TEX11: variants seen among roughly 807,000 people sequenced by gnomAD.
The protein encoded by TEX11 is testis-expressed protein 11.
A neutral mutation model predicts 84.4 loss-of-function variants in TEX11; 7 were observed. That is an observed-to-expected ratio of 0.08 (90% confidence interval 0.05 to 0.16). TEX11 has a LOEUF of 0.16. Among genes scored for constraint, TEX11 ranks in the 10% least tolerant of loss-of-function variants. TEX11 has a pLI of 1.00. For missense variants in TEX11, 551 were observed against 660.5 expected, an observed-to-expected ratio of 0.83 and a Z score of 1.82; for synonymous variants, 264 against 222.8, an observed-to-expected ratio of 1.18 and a Z score of -1.64.
chrX:70,827,926 A>T (rs1242368315), intron 8 of TEX11, among the ~76,000 whole-genome samples: 2 of 111,749 alleles, frequency 1.8e-5, no homozygotes, highest in Non-Finnish European at 3.8e-5. Flanking sequence ...ACACAGAGAC[A>T]GTGACTCCAT....
rs762244738 is a variant in TEX11 at position 70,853,375 on chromosome X, C to T, written c.325-47G>A. 10 of 920,131 alleles carry T rather than the reference C, an allele frequency of 1.1e-5. No homozygotes were observed. In the South Asian group the frequency reaches 2.2e-4, roughly 20 times the overall value. 75.8% of individuals were successfully genotyped at this position (920,131 alleles called of 1,213,427 possible). ...ATAATTTTTAAAAATTCATACCTCC[C>T]CCAAATTGGTGGGGGAATATTGGAG... is the stretch of plus-strand genomic sequence containing the variant. On this transcript the variant is annotated intron_variant, in intron 5 of 29. Coordinates refer to ENST00000374333, the MANE Select transcript of TEX11 (RefSeq NM_031276.3).
chrX:70,831,464 C>CA (rs915226838), intron 8 of TEX11, among the ~76,000 whole-genome samples: 2 of 110,800 alleles, frequency 1.8e-5, no homozygotes, highest in Non-Finnish European at 3.8e-5. Context: ...CCCATCTCTA[C>CA]AAAAAAATAA....
intron 28 of TEX11, among the ~76,000 whole-genome samples, chrX:70,540,880 C>G (rs1480868650): frequency 8.9e-6 from 1 of 112,318 alleles, no homozygotes; most frequent in East Asian, 2.8e-4. Flanking sequence ...TTGTAACAAA[C>G]AATGACTTGA....
chrX:70,840,833 G>C (rs1463362539), intron 7 of TEX11, among the ~76,000 whole-genome samples: 3 of 111,356 alleles, frequency 2.7e-5, no homozygotes, highest in African/African-American at 9.8e-5. Context: ...TGCAATCCTA[G>C]TCTCTGCTAA....
chrX:70,652,271 C>A (rs1236103976), intron 16 of TEX11, among the ~76,000 whole-genome samples: 1 of 111,361 alleles, frequency 9.0e-6, no homozygotes, highest in Non-Finnish European at 1.9e-5. Flanking sequence ...AAATGTAAAT[C>A]TTCTCTGGGG....
chrX:70,616,210 AAAT>A (rs1336272435), intron 20 of TEX11, among the ~76,000 whole-genome samples: 1 of 111,815 alleles, frequency 8.9e-6, no homozygotes, highest in Non-Finnish European at 1.9e-5. Context: ...AACCAACCAA[AAAT>A]AATAAATATA....
rs145494165 is a variant in TEX11 at position 70,855,802 on chromosome X, A to G, written c.325-2474T>C. On this transcript the variant is annotated intron_variant, in intron 5 of 29. Coordinates refer to ENST00000374333, the MANE Select transcript of TEX11 (RefSeq NM_031276.3). ...ATGGGCACGAAAAATGAGCACACAC[A>G]GAGGAAAGGCCATGTGAGAGGACAC... Among the ~76,000 whole-genome samples, 31 of 111,318 alleles carry G rather than the reference A, an allele frequency of 2.8e-4. No homozygotes were observed. In the East Asian group the frequency reaches 8.2e-3, roughly 30 times the overall value.
chrX:70,566,732 C>T (rs1388122205), intron 25 of TEX11, among the ~76,000 whole-genome samples: 8 of 111,608 alleles, frequency 7.2e-5, no homozygotes, highest in African/African-American at 2.6e-4. Context: ...ATTGAACCAG[C>T]CTTGCATCCT....
At chrX:70,712,007 T>A (rs902048066) in intron 13 of TEX11, among the ~76,000 whole-genome samples, 27 of 112,003 alleles carry the variant, frequency 2.4e-4, no homozygotes, top group Middle Eastern at 4.6e-3. Context: ...TTTCTACATA[T>A]GGCTAGCCAG....
intron 5 of TEX11, among the ~76,000 whole-genome samples, chrX:70,853,536 A>T (rs1309923439): frequency 8.9e-6 from 1 of 112,177 alleles, no homozygotes; most frequent in Non-Finnish European, 1.9e-5. Flanking sequence ...GACAAAAATA[A>T]TAGCAAAAAT....
intron 13 of TEX11, among the ~76,000 whole-genome samples, chrX:70,695,269 C>A (rs1202613208): frequency 8.9e-6 from 1 of 112,194 alleles, no homozygotes; most frequent in Admixed American, 9.5e-5. Flanking sequence ...GTAGGCTATC[C>A]ATACAACAGA....
chrX:70,819,131 A>G (rs1006564773), intron 8 of TEX11, among the ~76,000 whole-genome samples: 14 of 111,787 alleles, frequency 1.3e-4, no homozygotes, highest in African/African-American at 4.2e-4. Context: ...CAAGACAAGG[A>G]CACCAGAAGA....
chrX:70,568,640 T>G (rs1347048657), intron 25 of TEX11, among the ~76,000 whole-genome samples: 2 of 111,018 alleles, frequency 1.8e-5, no homozygotes, highest in African/African-American at 3.3e-5. Flanking sequence ...GTCTGTAAAG[T>G]ATTTTATTTC....
At chrX:70,548,464 C>T (rs1448346569) in intron 28 of TEX11, among the ~76,000 whole-genome samples, 1 of 110,396 alleles carries the variant, frequency 9.1e-6, no homozygotes, top group Non-Finnish European at 1.9e-5. Context: ...GGTGAGTGAT[C>T]ACAGCACCTG....
chrX:70,516,796 T>C, the TEX11 span, among the ~76,000 whole-genome samples: 4 of 111,083 alleles, frequency 3.6e-5, no homozygotes, highest in South Asian at 7.9e-4. Flanking sequence ...TTTTATTTCA[T>C]TGAGCAGTGG....
At chrX:70,714,183 A>C (rs1329994272) in intron 13 of TEX11, among the ~76,000 whole-genome samples, 1 of 111,025 alleles carries the variant, frequency 9.0e-6, no homozygotes, top group Non-Finnish European at 1.9e-5. Flanking sequence ...CTGTTCTTTT[A>C]CATTTGCTGA....
In TEX11 at chrX:70,865,223, C is replaced by CA. The variant is rs757292687; in HGVS notation, c.245-4288dup. ...GAAGATCTACCAAGCAAATGGAAAACAAAAAAAGCAGGGGTTGCAATCCTA... is the reference window on the plus strand; with the variant it reads ...GAAGATCTACCAAGCAAATGGAAAACAAAAAAAAGCAGGGGTTGCAATCCTA... On this transcript the variant is annotated intron_variant, in intron 4 of 29. Coordinates refer to ENST00000374333, the MANE Select transcript of TEX11 (RefSeq NM_031276.3). Among the ~76,000 whole-genome samples, 6 of 110,398 alleles carry CA rather than the reference C, an allele frequency of 5.4e-5. No individual in the cohort carries two copies. The East Asian group carries it at 1.7e-3, about 31-fold the overall frequency.
intron 8 of TEX11, among the ~76,000 whole-genome samples, chrX:70,817,381 T>G (rs190306342): frequency 2.7e-4 from 30 of 110,707 alleles, no homozygotes; most frequent in African/African-American, 9.2e-4. Flanking sequence ...TAAATAAGAT[T>G]TTCTACTAAA....
Position 70,784,264 on chromosome X carries a change from A to G in TEX11, c.692+22441T>C, listed in dbSNP as rs780815340. On this transcript the variant is annotated intron_variant, in intron 9 of 29. Coordinates refer to ENST00000374333, the MANE Select transcript of TEX11 (RefSeq NM_031276.3). ...CGCAATAGATGCAGAAAAGGCCTTC[A>G]ACAAAATTCAACAGCTCTTCATGCT... 3.7e-4 allele frequency among the ~76,000 whole-genome samples: 41 copies of G among 111,632 alleles called. 1 individual carries two copies. The South Asian group carries it at 0.014, about 38-fold the overall frequency.
Sources: allele counts gnomAD v4.1 joint callset (sites outside exome capture counted in the v4.1 genomes callset), GRCh38; gene constraint gnomAD v4.1.1; transcripts MANE v1.5; gene names NCBI Gene and HGNC (gene_info 2026-07-23, HGNC 2026-07-21).